Variants in OSMR observed in about 807,000 individuals in gnomAD.
OSMR encodes oncostatin-M-specific receptor subunit beta.
OSMR carries 81 observed loss-of-function variants against 99.9 expected under a neutral mutation model. The ratio of observed to expected loss-of-function variants is 0.81; its 90% CI spans 0.68 to 0.97. The LOEUF is 0.97. OSMR is among the 50% of genes least tolerant of loss of function. The pLI, the probability that OSMR is intolerant of heterozygous loss-of-function variation, is 0.00. For synonymous variants in OSMR, 406 were observed against 410.4 expected (o/e 0.99, Z 0.13); for missense variants, 1,099 against 1,153.4 (o/e 0.95, Z 0.68).
At chr5:38,913,410 CGTG>C (rs1347037940) in intron 9 of OSMR, among the ~76,000 whole-genome samples, 1 of 151,842 alleles carries the variant, frequency 6.6e-6, no homozygotes, top group Non-Finnish European at 1.5e-5. Context: ...ATCAGCCAGG[CGTG>C]GTGGTGGCTG....
chr5:38,940,301 C>T (rs1747419806), downstream of OSMR: 1 of 230,560 alleles, frequency 4.3e-6, no homozygotes, highest in Admixed American at 5.7e-5. Flanking sequence ...GGGATTAAAC[C>T]ACAGATTTTT....
At chr5:38,893,286 A>G (rs1362983193) in intron 7 of OSMR, among the ~76,000 whole-genome samples, 3 of 152,238 alleles carry the variant, frequency 2.0e-5, no homozygotes, top group African/African-American at 7.2e-5. Context: ...TGGCATCATG[A>G]AAATCGAAAT....
At chr5:38,925,426 A>G in intron 15 of OSMR, 55 bp downstream of exon 15, 1 of 1,460,752 alleles carries the variant, frequency 6.8e-7, no homozygotes, top group East Asian at 2.3e-5. Context: ...AAACTAACAA[A>G]TTACAGAAGT....
At chr5:38,876,678 T>C (rs1296573928) in intron 3 of OSMR, among the ~76,000 whole-genome samples, 2 of 152,192 alleles carry the variant, frequency 1.3e-5, no homozygotes, top group African/African-American at 4.8e-5. Context: ...CCACGAAGAT[T>C]AACCAATTCA....
At chr5:38,931,126 T>C (rs1054734767) in intron 15 of OSMR, among the ~76,000 whole-genome samples, 2 of 152,160 alleles carry the variant, frequency 1.3e-5, no homozygotes, top group African/African-American at 4.8e-5. Flanking sequence ...GAAGCACCAG[T>C]TGACATATTG....
chr5:38,869,025 T>C lies in OSMR; in HGVS notation c.-13-7T>C, dbSNP rs745443353. 5.0e-6 allele frequency: 8 copies of C among 1,612,736 alleles called. No homozygotes were observed. The highest frequency in any genetic ancestry group is 1.7e-5 in the Admixed American group (1 of 59,882). On this transcript the variant is annotated splice_polypyrimidine_tract_variant and splice_region_variant and intron_variant, in intron 1 of 17. Coordinates refer to ENST00000274276, the MANE Select transcript of OSMR (RefSeq NM_003999.3). ...AAATTTTCCTTCTTATAATTTATCT[T>C]TTTCAGAAAACCAGAACTGATGGCT...
chr5:38,933,055 G>C lies in OSMR; in HGVS notation c.2551G>C (p.Gly851Arg). The C allele has an allele frequency of 6.2e-7, 1 of 1,614,144 alleles. No individual in the cohort carries two copies. The highest frequency in any genetic ancestry group is 8.5e-7 in the Non-Finnish European group (1 of 1,180,026). ...LPTEKNHSGP[G>R]PCICFENLTY... ...AACAGAAAAGAATCACTCTGGCCCT[G>C]GCCCCTGCATCTGTTTTGAGAACTT... The change falls in exon 18 of 18, where the codon GGC becomes CGC. Residue 851 changes from glycine (G) to arginine (R), a missense_variant. Coordinates refer to ENST00000274276, the MANE Select transcript of OSMR (RefSeq NM_003999.3).
intron 12 of OSMR, among the ~76,000 whole-genome samples, chr5:38,922,300 C>T (rs574648968): frequency 3.9e-5 from 6 of 152,058 alleles, no homozygotes; most frequent in East Asian, 1.9e-4. Flanking sequence ...GGGTGGGTGG[C>T]GCCATCTACT....
chr5:38,913,573 A>G (rs1480685519), intron 9 of OSMR, among the ~76,000 whole-genome samples: 1 of 151,612 alleles, frequency 6.6e-6, no homozygotes. Flanking sequence ...AAAATGGGTG[A>G]AAGACATGAA....
rs2112364295 is a variant in OSMR at position 38,881,711 on chromosome 5, A to G, written c.365A>G (p.Lys122Arg). 6.2e-7 allele frequency: 1 copy of G among 1,614,226 alleles called. No homozygotes were observed. The highest frequency in any genetic ancestry group is 8.5e-7 in the Non-Finnish European group (1 of 1,180,034). Residue 122 changes from lysine to arginine, a missense_variant, in exon 4 of 18, where the codon AAG becomes AGG. Physicochemically the swap from Lys to Arg is conservative, Grantham distance 26. Coordinates refer to ENST00000274276, the MANE Select transcript of OSMR (RefSeq NM_003999.3). ...VRIKSLVDDA[K>R]FPEPNFWSNW... ...ATAAAGAGTTTGGTGGACGATGCCA[A>G]GTTCCCTGAGCCAAATTTCTGGAGC...
intron 9 of OSMR, among the ~76,000 whole-genome samples, chr5:38,912,294 A>G (rs1182657383): frequency 6.6e-6 from 1 of 152,212 alleles, no homozygotes; most frequent in Admixed American, 6.5e-5. Flanking sequence ...ATTCAAGCTG[A>G]GACCCAAGTC....
In OSMR at chr5:38,921,625, G is replaced by A. The variant is rs1746238022; in HGVS notation, c.1596G>A (p.Glu532=). ...ISADPENKEV[E]EERIAGTEGG... ...TTTGTTTATATACAGAAGAGGTTGA[G>A]GAAGAAAGAATTGCAGGCACAGAGG... The change falls in exon 12 of 18, where the codon GAG becomes GAA. Residue 532 remains glutamate, a synonymous_variant. Transcript: ENST00000274276. The A allele has an allele frequency of 1.2e-6, 2 of 1,614,012 alleles. No individual in the cohort carries two copies. Among genetic ancestry groups the A allele is most frequent in the East Asian group, 2.2e-5 (1 of 44,902 alleles).
At chr5:38,926,534 GA>G (rs1009022924) in intron 15 of OSMR, among the ~76,000 whole-genome samples, 3 of 152,138 alleles carry the variant, frequency 2.0e-5, no homozygotes, top group Non-Finnish European at 4.4e-5. Context: ...GAGCAAAGGG[GA>G]AAAGCCACTT....
At position 38,884,131 on chromosome 5, in the gene OSMR, G is replaced by T. The variant is rs374754386; in HGVS notation, c.703+20G>T. The T allele has an allele frequency of 1.9e-6, 3 of 1,562,322 alleles. No individual in the cohort carries two copies. The highest frequency in any genetic ancestry group is 2.6e-6 in the Non-Finnish European group (3 of 1,133,028). On this transcript the variant is annotated intron_variant, in intron 5 of 17. Transcript: ENST00000274276. Reference sequence around the variant, plus strand: ...TCTCAAGTAAGTGTGCAAATTCTCTGTGGCCCTTTCTTCTCATTTCCTGAG... The same window carrying T: ...TCTCAAGTAAGTGTGCAAATTCTCTTTGGCCCTTTCTTCTCATTTCCTGAG...
chr5:38,926,921 G>A (rs914566998), intron 15 of OSMR, among the ~76,000 whole-genome samples: 1 of 152,212 alleles, frequency 6.6e-6, no homozygotes, highest in Non-Finnish European at 1.5e-5. Flanking sequence ...TACAATGGGA[G>A]TACAGGCATT....
chr5:38,881,753 A>T lies in OSMR; in HGVS notation c.407A>T (p.Glu136Val). 6.2e-7 allele frequency: 1 copy of T among 1,614,060 alleles called. No individual in the cohort carries two copies. Among genetic ancestry groups the T allele is most frequent in the Non-Finnish European group, 8.5e-7 (1 of 1,179,894 alleles). The change falls in exon 4 of 18, where the codon GAG becomes GTG. Residue 136 changes from glutamate (E) to valine (V), a missense_variant. Glu to Val is a moderately radical substitution (Grantham distance 121, BLOSUM62 -2). Coordinates refer to ENST00000274276, the MANE Select transcript of OSMR (RefSeq NM_003999.3). ...PNFWSNWSSW[E>V]EVSVQDSTGQ... ...TTCTGGAGCAACTGGAGTTCCTGGG[A>T]GGAAGTCAGTGGTAAGAAGTGAGGT...
At chr5:38,862,102 A>ACC (rs560641416) in intron 1 of OSMR, among the ~76,000 whole-genome samples, 3 of 14,986 alleles carry the variant, frequency 2.0e-4, no homozygotes, top group Non-Finnish European at 2.7e-4. Context: ...TGGGGGGCTG[A>ACC]CCCCCCACCT....
chr5:38,923,072 T>A, intron 12 of OSMR, 78 bp from the exon 13 acceptor site: 2 of 1,582,870 alleles, frequency 1.3e-6, no homozygotes, highest in Non-Finnish European at 1.7e-6. Context: ...CAACGTGTCA[T>A]GCCTTTTCAT....
chr5:38,907,026 A>C (rs1745283685), intron 9 of OSMR, among the ~76,000 whole-genome samples: 1 of 152,252 alleles, frequency 6.6e-6, no homozygotes, highest in African/African-American at 2.4e-5. Flanking sequence ...CATATTTAAA[A>C]AATAGAAGTT....
Sources: allele counts gnomAD v4.1 joint callset (sites outside exome capture counted in the v4.1 genomes callset), GRCh38; gene constraint gnomAD v4.1.1; transcripts MANE v1.5; gene names NCBI Gene and HGNC (gene_info 2026-07-23, HGNC 2026-07-21).